Variants in IRAK2 observed in about 807,000 individuals in gnomAD.
The protein encoded by IRAK2 is interleukin 1 receptor associated kinase 2, also known as interleukin-1 receptor-associated kinase-like 2.
IRAK2 carries 57 observed loss-of-function variants against 72.0 expected under a neutral mutation model. The ratio of observed to expected loss-of-function variants is 0.79; its 90% CI spans 0.64 to 0.99. The LOEUF (loss-of-function observed/expected upper bound fraction) is 0.99, where lower values mean the gene tolerates loss of function less well. IRAK2 is among the 50% of genes least tolerant of loss of function. The probability of loss-of-function intolerance (pLI) is 0.00; values close to 1 mark genes in which losing one functional copy is unlikely to be tolerated. For synonymous variants in IRAK2, 293 were observed against 312.7 expected (o/e 0.94, Z 0.67); for missense variants, 790 against 794.4 (o/e 0.99, Z 0.07).
intron 2 of IRAK2, among the ~76,000 whole-genome samples, chr3:10,193,360 T>C (rs1357378380): frequency 6.6e-6 from 1 of 151,772 alleles, no homozygotes; most frequent in Non-Finnish European, 1.5e-5. Flanking sequence ...TCCCAGAACT[T>C]TGGGAGGCCA....
intron 10 of IRAK2, among the ~76,000 whole-genome samples, 186 bp downstream of exon 10, chr3:10,226,619 C>G (rs1697780658): frequency 6.6e-6 from 1 of 152,066 alleles, no homozygotes; most frequent in South Asian, 2.1e-4. Flanking sequence ...ATTGCTTTTT[C>G]ATGATAATAG....
At chr3:10,191,840 C>T (rs155583) in intron 2 of IRAK2, among the ~76,000 whole-genome samples, 100,238 of 152,098 alleles carry the variant, frequency 0.66, 34,372 homozygotes, top group African/African-American at 0.86. Flanking sequence ...GTCAGTATTA[C>T]GGCAGTTTTG....
In IRAK2 at chr3:10,238,831, A is replaced by G; in HGVS notation, c.1557A>G (p.Thr519=). ...LLPWSGLSEG[T]GSSSNTPEET... Reference sequence around the variant, plus strand: ...CTTGGAGTGGGCTTTCTGAGGGTACAGGCTCTTCTTCCAACACCCCAGAGG... The same window carrying G: ...CTTGGAGTGGGCTTTCTGAGGGTACGGGCTCTTCTTCCAACACCCCAGAGG... Residue 519 remains threonine (T), a synonymous_variant, in exon 12 of 13, where the codon ACA becomes ACG. Coordinates refer to ENST00000256458, the MANE Select transcript of IRAK2 (RefSeq NM_001570.4). 1.9e-6 allele frequency: 3 copies of G among 1,614,026 alleles called. No homozygotes were observed. The highest frequency in any genetic ancestry group is 2.5e-6 in the Non-Finnish European group (3 of 1,179,974).
intron 1 of IRAK2, among the ~76,000 whole-genome samples, chr3:10,166,856 C>T (rs947353010): frequency 6.6e-6 from 1 of 152,140 alleles, no homozygotes; most frequent in Non-Finnish European, 1.5e-5. Flanking sequence ...GTTGGCCAGG[C>T]TGGTCTCGAA....
chr3:10,195,321 A>T (rs1428722797), intron 2 of IRAK2, among the ~76,000 whole-genome samples: 6 of 152,108 alleles, frequency 3.9e-5, no homozygotes, highest in African/African-American at 1.4e-4. Flanking sequence ...CTTTGGGAGG[A>T]CAAGGTGGGA....
chr3:10,210,778 G>A (rs1331258315), intron 4 of IRAK2, among the ~76,000 whole-genome samples: 1 of 152,200 alleles, frequency 6.6e-6, no homozygotes, highest in Non-Finnish European at 1.5e-5. Flanking sequence ...TTGGGAGGTT[G>A]GTATGGGAGG....
intron 7 of IRAK2, among the ~76,000 whole-genome samples, chr3:10,217,459 A>G (rs6780464): frequency 0.69 from 105,398 of 152,082 alleles, 37,766 homozygotes; most frequent in Non-Finnish European, 0.77. Context: ...TAGCCAATGC[A>G]GTAGGACAAG....
At position 10,222,928 on chromosome 3, in the gene IRAK2, A is replaced by G. The variant is rs1038323679; in HGVS notation, c.1209+97A>G. 2.7e-5 allele frequency: 31 copies of G among 1,141,784 alleles called. No individual in the cohort carries two copies. The Admixed American group carries it at 4.1e-4, about 15-fold the overall frequency. 70.7% of individuals were successfully genotyped at this position (1,141,784 alleles called of 1,614,324 possible). The stretch of plus-strand genomic sequence containing the variant: ...CAGGATACGGTAGAGGCACACAGAC[A>G]GGTTCCATCAAAGTACAACAGGGGC... On this transcript the variant is annotated intron_variant, in intron 9 of 12. Coordinates refer to ENST00000256458, the MANE Select transcript of IRAK2 (RefSeq NM_001570.4).
chr3:10,176,252 G>A (rs978454278), intron 1 of IRAK2, among the ~76,000 whole-genome samples: 1 of 152,024 alleles, frequency 6.6e-6, no homozygotes, highest in Non-Finnish European at 1.5e-5. Context: ...CTGTGAAGAC[G>A]ATGTGGTATG....
intron 2 of IRAK2, among the ~76,000 whole-genome samples, chr3:10,194,830 A>G (rs1449670844): frequency 1.3e-5 from 2 of 152,208 alleles, no homozygotes; most frequent in Non-Finnish European, 2.9e-5. Context: ...TCAAAGCTTG[A>G]GAAGATGGGG....
At position 10,221,070 on chromosome 3, in the gene IRAK2, C is replaced by T. The variant is rs1001391784; in HGVS notation, c.1013+1281C>T. ...CCTGGCACACACACCCGTGCATTTG[C>T]GGGCGTGCACACACACACACGCTAA... On this transcript the variant is annotated intron_variant, in intron 8 of 12. Coordinates refer to ENST00000256458, the MANE Select transcript of IRAK2 (RefSeq NM_001570.4). Among the ~76,000 whole-genome samples, 6 of 151,616 alleles carry T rather than the reference C, an allele frequency of 4.0e-5. 1 individual carries two copies. The highest frequency in any genetic ancestry group is 4.2e-4 in the South Asian group (2 of 4,806).
intron 1 of IRAK2, among the ~76,000 whole-genome samples, chr3:10,177,128 G>A (rs1696889534): frequency 6.6e-6 from 1 of 151,982 alleles, no homozygotes; most frequent in Non-Finnish European, 1.5e-5. Flanking sequence ...GTAGAGACAG[G>A]GTCTCACTAT....
chr3:10,236,796 A>G (rs1697967111), intron 11 of IRAK2, among the ~76,000 whole-genome samples: 1 of 152,232 alleles, frequency 6.6e-6, no homozygotes, highest in South Asian at 2.1e-4. Context: ...GGTGCAGGTG[A>G]AACTGCTATA....
chr3:10,220,951 A>C (rs1258418903), intron 8 of IRAK2, among the ~76,000 whole-genome samples: 1 of 152,028 alleles, frequency 6.6e-6, no homozygotes, highest in African/African-American at 2.4e-5. Flanking sequence ...CTTCATTTAA[A>C]CATAGTAAAC....
At chr3:10,206,361 C>T (rs927616858) in intron 3 of IRAK2, among the ~76,000 whole-genome samples, 3 of 152,150 alleles carry the variant, frequency 2.0e-5, no homozygotes, top group Admixed American at 6.5e-5. Context: ...CTCCCAGCAG[C>T]TGGGGGTCTC....
chr3:10,230,163 C>G (rs545572586), intron 10 of IRAK2, among the ~76,000 whole-genome samples: 1 of 152,110 alleles, frequency 6.6e-6, no homozygotes, highest in Admixed American at 6.5e-5. Flanking sequence ...TCCAAGTGAA[C>G]AAAGCAAATT....
At chr3:10,195,285 A>G (rs985681318) in intron 2 of IRAK2, among the ~76,000 whole-genome samples, 1 of 152,222 alleles carries the variant, frequency 6.6e-6, no homozygotes, top group African/African-American at 2.4e-5. Context: ...GACTGGGAGC[A>G]GTGGCTCAGG....
At chr3:10,221,608 G>A (rs1028774351) in intron 8 of IRAK2, among the ~76,000 whole-genome samples, 14 of 151,262 alleles carry the variant, frequency 9.3e-5, no homozygotes, top group African/African-American at 3.4e-4. Flanking sequence ...CTGGAGTACA[G>A]TGGCGCAATC....
chr3:10,209,619 C>T lies in IRAK2; in HGVS notation c.455C>T (p.Ala152Val), dbSNP rs776630647. The change falls in exon 4 of 13, where the codon GCC becomes GTC. Residue 152 changes from alanine to valine, a missense_variant. Physicochemically the swap from Ala to Val is moderately conservative, Grantham distance 64. Transcript: ENST00000256458. ...TCTCCAGCCAGAGCCCACCAGCCGG[C>T]CTTTCTCCAGCCTCCTGAAGAAGAT... Reference protein sequence around the residue: ...GSSPARAHQPAFLQPPEEDAP... With the variant: ...GSSPARAHQPVFLQPPEEDAP... 6.1e-5 allele frequency: 96 copies of T among 1,569,192 alleles called. 5 individuals carry two copies. The South Asian group carries it at 1.1e-3, about 18-fold the overall frequency.
Sources: allele counts gnomAD v4.1 joint callset (sites outside exome capture counted in the v4.1 genomes callset), GRCh38; gene constraint gnomAD v4.1.1; transcripts MANE v1.5; gene names NCBI Gene and HGNC (gene_info 2026-07-23, HGNC 2026-07-21).